IGSF10: variants seen among roughly 807,000 people sequenced by gnomAD.
IGSF10 encodes immunoglobulin superfamily member 10, also known as calvaria mechanical force protein 608.
In IGSF10, 126 loss-of-function variants were observed where a neutral mutation model predicts 128.2. The ratio of observed to expected loss-of-function variants is 0.98; its 90% CI spans 0.85 to 1.14. The LOEUF is 1.14. Ranked by LOEUF, IGSF10 falls within the 50% of genes most tolerant of loss-of-function variation. IGSF10 has a pLI of 0.00. For missense variants in IGSF10, 3,295 were observed against 3,149.8 expected, an observed-to-expected ratio of 1.05 and a Z score of -1.10; for synonymous variants, 1,185 against 1,146.2, an observed-to-expected ratio of 1.03 and a Z score of -0.68.
chr3:151,547,211 C>T, the IGSF10 span, among the ~76,000 whole-genome samples: 1 of 152,096 alleles, frequency 6.6e-6, no homozygotes, highest in East Asian at 1.9e-4. Flanking sequence ...CACACACATG[C>T]AAGCTTCCAA....
At chr3:151,532,342 C>T in the IGSF10 span, among the ~76,000 whole-genome samples, 6 of 152,146 alleles carry the variant, frequency 3.9e-5, no homozygotes, top group Admixed American at 6.6e-5. Flanking sequence ...CCAGCATCAT[C>T]CTGATACCAA....
At chr3:151,434,525 TGTA>T (rs1458947109), downstream of IGSF10, 1 of 47,206 alleles carries the variant, frequency 2.1e-5, no homozygotes, top group Non-Finnish European at 5.1e-5. Flanking sequence ...TTTCAGAAGA[TGTA>T]TCATCTATCT....
At chr3:151,618,822 A>G in the IGSF10 span, among the ~76,000 whole-genome samples, 1 of 150,776 alleles carries the variant, frequency 6.6e-6, no homozygotes, top group Non-Finnish European at 1.5e-5. Context: ...AAAAATGTTT[A>G]TACTGTTTTA....
At chr3:151,609,639 C>A in the IGSF10 span, among the ~76,000 whole-genome samples, 1 of 152,110 alleles carries the variant, frequency 6.6e-6, no homozygotes, top group South Asian at 2.1e-4. Flanking sequence ...TACATATACA[C>A]CATTAAATAC....
chr3:151,557,625 A>G, the IGSF10 span, among the ~76,000 whole-genome samples: 1 of 152,056 alleles, frequency 6.6e-6, no homozygotes, highest in Non-Finnish European at 1.5e-5. Flanking sequence ...TTAGCATGTA[A>G]GATAAAGTAG....
chr3:151,554,923 T>C, the IGSF10 span, among the ~76,000 whole-genome samples: 2 of 152,164 alleles, frequency 1.3e-5, no homozygotes, highest in East Asian at 3.8e-4. Context: ...TTTTAACCAC[T>C]AAGTTTTGGG....
the IGSF10 span, among the ~76,000 whole-genome samples, chr3:151,561,735 G>C: frequency 4.6e-5 from 7 of 152,118 alleles, no homozygotes; most frequent in African/African-American, 1.2e-4. Flanking sequence ...ATAGGAAGGG[G>C]AGTGGGGAGA....
At position 151,453,904 on chromosome 3, in the gene IGSF10, TTCAA is replaced by T. The variant is rs1247617760; in HGVS notation, c.325-134_325-131del. The T allele has an allele frequency of 3.9e-5, 21 of 541,298 alleles. 1 individual carries two copies. In the Admixed American group the frequency reaches 6.0e-4, roughly 16 times the overall value. The allele number at this position is 541,298 out of a possible 1,614,324, so 33.5% of individuals were successfully genotyped here. A position where few individuals can be genotyped will look rare whatever the true frequency, so the allele number is the denominator to read the frequency against. Reference sequence around the variant, plus strand: ...TTTATATACCTTCTTAGGATCCCAATTCAATCAAATTCATTGCAAATTAAATATG... The same window carrying T: ...TTTATATACCTTCTTAGGATCCCAATTCAAATTCATTGCAAATTAAATATG... On this transcript the variant is annotated intron_variant, in intron 4 of 7. Coordinates refer to ENST00000282466, the MANE Select transcript of IGSF10 (RefSeq NM_178822.5).
the IGSF10 span, among the ~76,000 whole-genome samples, chr3:151,537,171 T>C: frequency 2.6e-5 from 4 of 152,186 alleles, no homozygotes; most frequent in Admixed American, 2.6e-4. Context: ...ACATTAGTAT[T>C]TGCTTTGATC....
chr3:151,497,218 G>T, the IGSF10 span, among the ~76,000 whole-genome samples: 26 of 151,986 alleles, frequency 1.7e-4, no homozygotes, highest in African/African-American at 5.3e-4. Context: ...TGTTGCCATT[G>T]CTTTTGGTGT....
chr3:151,575,191 G>T, the IGSF10 span, among the ~76,000 whole-genome samples: 1 of 152,332 alleles, frequency 6.6e-6, no homozygotes, highest in East Asian at 1.9e-4. Context: ...GGCTACACGG[G>T]GATCAGGGAC....
the IGSF10 span, among the ~76,000 whole-genome samples, chr3:151,567,754 T>A: frequency 6.6e-6 from 1 of 152,156 alleles, no homozygotes; most frequent in African/African-American, 2.4e-5. Context: ...GCTGAAATGA[T>A]TCAACAAGAC....
At chr3:151,432,939 CA>C, downstream of IGSF10, 10 of 481,872 alleles carry the variant, frequency 2.1e-5, no homozygotes, top group Non-Finnish European at 2.9e-5. Context: ...TGCTACATCT[CA>C]CAAAAAAAAA....
At position 151,437,708 on chromosome 3, in the gene IGSF10, A is replaced by G; in HGVS notation, c.6853T>C (p.Tyr2285His). The change falls in exon 8 of 8, where the codon TAC (tyrosine) becomes CAC (histidine). Residue 2285 changes from tyrosine (Y) to histidine (H), a missense_variant. By Grantham distance (83) the Tyr-to-His change is moderately conservative. Coordinates refer to ENST00000282466, the MANE Select transcript of IGSF10 (RefSeq NM_178822.5). ...MPDNIFLTAP[Y>H]YGSRITVHKN... ...TGGACTGTGATTCTGCTTCCATAGT[A>G]TGGGGCTGTGAGGAAAATATTGTCT... 1 of 1,614,078 alleles carries G rather than the reference A, an allele frequency of 6.2e-7. No homozygotes were observed. Among genetic ancestry groups the G allele is most frequent in the Non-Finnish European group, 8.5e-7 (1 of 1,180,012 alleles).
intron 4 of IGSF10, among the ~76,000 whole-genome samples, chr3:151,456,779 C>T (rs907792330): frequency 7.9e-5 from 12 of 152,084 alleles, no homozygotes; most frequent in African/African-American, 2.2e-4. Flanking sequence ...GAAGGTTTAT[C>T]GTCTCTGGGT....
the IGSF10 span, among the ~76,000 whole-genome samples, chr3:151,582,360 A>G: frequency 6.6e-6 from 1 of 151,638 alleles, no homozygotes; most frequent in East Asian, 1.9e-4. Flanking sequence ...ATCAAGAAAT[A>G]GAGCAAGAAT....
the IGSF10 span, among the ~76,000 whole-genome samples, chr3:151,529,623 GT>G: frequency 6.6e-6 from 1 of 152,192 alleles, no homozygotes; most frequent in Non-Finnish European, 1.5e-5. Context: ...GGGTCTGACT[GT>G]TAGAAGGAAA....
chr3:151,518,141 G>T, the IGSF10 span, among the ~76,000 whole-genome samples: 41 of 152,102 alleles, frequency 2.7e-4, no homozygotes, highest in African/African-American at 9.9e-4. Flanking sequence ...TCTGTACATT[G>T]TGAACTATAA....
At chr3:151,492,675 G>A in the IGSF10 span, among the ~76,000 whole-genome samples, 2 of 152,060 alleles carry the variant, frequency 1.3e-5, no homozygotes, top group Admixed American at 6.6e-5. Context: ...CCAAGATCGC[G>A]CCACTGCACT....
Sources: gnomAD v4.1 joint callset for allele counts (sites outside exome capture counted in the v4.1 genomes callset) on GRCh38, gnomAD v4.1.1 for gene constraint, MANE v1.5 for transcripts, NCBI Gene and HGNC (gene_info 2026-07-23, HGNC 2026-07-21) for gene names.